Variants in POLR3B observed in about 807,000 individuals in gnomAD.
The protein encoded by POLR3B is RNA polymerase III subunit B.
Under a neutral mutation model 147.4 loss-of-function variants are expected in POLR3B, and 96 were observed. The observed-to-expected ratio is 0.65, with a 90% CI of 0.55 to 0.77. The LOEUF (loss-of-function observed/expected upper bound fraction) is 0.77, where lower values mean the gene tolerates loss of function less well. POLR3B is among the 30% of genes least tolerant of loss of function. POLR3B has a pLI of 0.00. For synonymous variants in POLR3B, 461 were observed against 485.9 expected (o/e 0.95, Z 0.67); for missense variants, 1,036 against 1,413.5 (o/e 0.73, Z 4.28).
rs569473428 is a variant in POLR3B, at chr12:106,430,528, CATGGG to C, written c.1464+56_1464+60del. 3 of 1,422,868 alleles carry C rather than the reference CATGGG, an allele frequency of 2.1e-6. No homozygotes were observed. In the South Asian group the frequency reaches 3.4e-5, roughly 16 times the overall value. The allele number at this position is 1,422,868 out of a possible 1,614,324, so 88.1% of individuals were successfully genotyped here. On this transcript the variant is annotated intron_variant, in intron 14 of 27. Coordinates refer to ENST00000228347, the MANE Select transcript of POLR3B (RefSeq NM_018082.6). ...GTAAGAGGCGATACCTATGTCTGTG[CATGGG>C]GTGGGGTGGGGAGGTCTGCTTCTGT...
chr12:106,414,478 T>A (rs757095246), intron 12 of POLR3B, among the ~76,000 whole-genome samples: 3 of 152,114 alleles, frequency 2.0e-5, no homozygotes, highest in Non-Finnish European at 2.9e-5. Context: ...CTAAGTCTTC[T>A]TACATGATTC....
intron 23 of POLR3B, among the ~76,000 whole-genome samples, chr12:106,489,319 T>C (rs1302738376): frequency 1.3e-5 from 2 of 152,184 alleles, no homozygotes; most frequent in African/African-American, 4.8e-5. Context: ...CAAAATATAG[T>C]TTTTTCACTT....
intron 19 of POLR3B, among the ~76,000 whole-genome samples, chr12:106,448,427 CTTTTTTT>C (rs869133588): frequency 1.1e-3 from 55 of 50,606 alleles, no homozygotes; most frequent in East Asian, 5.1e-3. Flanking sequence ...TACGTTATTT[CTTTTTTT>C]TTTTTTTTTT....
chr12:106,435,420 C>T (rs1233771757), intron 16 of POLR3B, among the ~76,000 whole-genome samples: 1 of 152,192 alleles, frequency 6.6e-6, no homozygotes, highest in Non-Finnish European at 1.5e-5. Context: ...GCTGGGATTA[C>T]AGGTGTGAGC....
chr12:106,444,973 A>G (rs535416952), intron 19 of POLR3B, among the ~76,000 whole-genome samples: 7 of 152,264 alleles, frequency 4.6e-5, no homozygotes, highest in South Asian at 2.1e-4. Context: ...GAAAAAAATA[A>G]AGATGTACGA....
At position 106,504,886 on chromosome 12, in the gene POLR3B, G is replaced by A. The variant is rs2038661643; in HGVS notation, c.3272+632G>A. The stretch of plus-strand genomic sequence containing the variant: ...CACTGTTCTAGGCCCTAGAAATGCA[G>A]CAGTGAACAAGACAGTGGATGGCTG... On this transcript the variant is annotated intron_variant, in intron 27 of 27. Coordinates refer to ENST00000228347, the MANE Select transcript of POLR3B (RefSeq NM_018082.6). This position sits in a 1 kb window ranked among gnomAD's most constrained non-coding sequence, Gnocchi z 4.6. Among the ~76,000 whole-genome samples, 1 of 152,158 alleles carries A rather than the reference G, an allele frequency of 6.6e-6. No individual in the cohort carries two copies. Among genetic ancestry groups the A allele is most frequent in the Non-Finnish European group, 1.5e-5 (1 of 68,026 alleles).
chr12:106,468,366 G>T (rs1237930441), intron 23 of POLR3B, among the ~76,000 whole-genome samples: 1 of 151,990 alleles, frequency 6.6e-6, no homozygotes, highest in East Asian at 1.9e-4. Flanking sequence ...TCTTCCTAGT[G>T]GTCTATGTAT....
intron 6 of POLR3B, among the ~76,000 whole-genome samples, chr12:106,370,430 G>A (rs1172608549): frequency 6.6e-6 from 1 of 152,036 alleles, no homozygotes. Context: ...ATGTAATTAT[G>A]GCACCATTTG....
At chr12:106,377,718 C>A (rs1440149732) in intron 7 of POLR3B, among the ~76,000 whole-genome samples, 1 of 152,068 alleles carries the variant, frequency 6.6e-6, no homozygotes, top group Non-Finnish European at 1.5e-5. Context: ...GATTCATAGA[C>A]CAATAAGATA....
chr12:106,505,238 G>A (rs2038667561), intron 27 of POLR3B, among the ~76,000 whole-genome samples: 1 of 152,100 alleles, frequency 6.6e-6, no homozygotes, highest in Admixed American at 6.6e-5. Context: ...CACTCCTGTA[G>A]GCAAGAGAAT....
At chr12:106,365,312 C>T (rs947208067) in intron 2 of POLR3B, among the ~76,000 whole-genome samples, 2 of 151,894 alleles carry the variant, frequency 1.3e-5, no homozygotes, top group Non-Finnish European at 2.9e-5. Context: ...TTCTAAAAGC[C>T]GTAGGAAGCT....
Position 106,369,662 on chromosome 12 carries a change from G to C in POLR3B, c.383G>C (p.Arg128Pro). 1.9e-6 allele frequency: 3 copies of C among 1,608,852 alleles called. No individual in the cohort carries two copies. Among genetic ancestry groups the C allele is most frequent in the Non-Finnish European group, 2.6e-6 (3 of 1,175,302 alleles). ...ACCCGAGGCAGCCAGAGGATCATCCGCAATGCCTTACCTATCGGCAGGTGA... is the reference window on the plus strand; with the variant it reads ...ACCCGAGGCAGCCAGAGGATCATCCCCAATGCCTTACCTATCGGCAGGTGA... ...EYTRGSQRII[R>P]NALPIGRMPI... The change falls in exon 6 of 28, where the codon CGC becomes CCC. Residue 128 changes from arginine to proline, a missense_variant. By Grantham distance (103) the Arg-to-Pro change is moderately radical. Transcript: ENST00000228347.
intron 11 of POLR3B, among the ~76,000 whole-genome samples, chr12:106,406,293 T>TA (rs1565886779): frequency 6.6e-6 from 1 of 152,234 alleles, no homozygotes; most frequent in Non-Finnish European, 1.5e-5. Flanking sequence ...GATGGTGTCT[T>TA]ACATGTTTTA....
chr12:106,361,915 G>A (rs906565158), intron 1 of POLR3B, among the ~76,000 whole-genome samples: 1 of 152,224 alleles, frequency 6.6e-6, no homozygotes, highest in African/African-American at 2.4e-5. Context: ...GGCATCAAGG[G>A]AGGTCTTTTG....
intron 1 of POLR3B, 89 bp downstream of exon 1, chr12:106,358,040 G>C: frequency 6.4e-7 from 1 of 1,568,750 alleles, no homozygotes; most frequent in Non-Finnish European, 8.6e-7. Context: ...AAGGGGGCGG[G>C]CTGGCGGTTT....
chr12:106,436,945 GA>G, intron 16 of POLR3B, 111 bp from the exon 17 acceptor site: 1 of 811,300 alleles, frequency 1.2e-6, no homozygotes, highest in Non-Finnish European at 2.1e-6. Flanking sequence ...AGCAATCCAG[GA>G]ATAGGTTTGT....
chr12:106,453,450 G>A (rs1018061389), intron 19 of POLR3B, among the ~76,000 whole-genome samples: 2 of 152,050 alleles, frequency 1.3e-5, no homozygotes, highest in Non-Finnish European at 2.9e-5. Context: ...TGGCACTTAG[G>A]TACTTCGGAG....
At chr12:106,427,469 G>C (rs904967389) in intron 13 of POLR3B, 111 bp downstream of exon 13, 2 of 998,264 alleles carry the variant, frequency 2.0e-6, no homozygotes, top group Non-Finnish European at 3.1e-6. Flanking sequence ...ATATCAAAAC[G>C]AATGTTTACA....
At chr12:106,390,546 A>G (rs1444723930) in intron 9 of POLR3B, among the ~76,000 whole-genome samples, 1 of 152,006 alleles carries the variant, frequency 6.6e-6, no homozygotes, top group African/African-American at 2.4e-5. Context: ...CTTTTAATCC[A>G]TGAAAGGCTT....
Sources: gnomAD v4.1 joint callset for allele counts (sites outside exome capture counted in the v4.1 genomes callset) on GRCh38, gnomAD v4.1.1 for gene constraint, Gnocchi (gnomAD v3.1) non-coding constraint, MANE v1.5 for transcripts, NCBI Gene and HGNC (gene_info 2026-07-23, HGNC 2026-07-21) for gene names.